The following TRDN variants were observed in gnomAD, a reference collection of about 807,000 sequenced individuals.
The protein encoded by TRDN is triadin in skeletal muscle.
In TRDN, 161 loss-of-function variants were observed where a neutral mutation model predicts 149.7. That is an observed-to-expected ratio of 1.08 (90% CI 0.95 to 1.23). The LOEUF (loss-of-function observed/expected upper bound fraction) is 1.23, where lower values mean the gene tolerates loss of function less well. Among genes scored for constraint, TRDN ranks in the 50% most tolerant of loss-of-function variants. TRDN has a pLI of 0.00. For missense variants in TRDN, 896 were observed against 823.5 expected, an observed-to-expected ratio of 1.09 and a Z score of -1.08; for synonymous variants, 294 against 250.5, an observed-to-expected ratio of 1.17 and a Z score of -1.64.
At chr6:123,279,141 A>T in intron 24 of TRDN, 59 bp from the exon 25 acceptor site, 1 of 1,287,482 alleles carries the variant, frequency 7.8e-7, no homozygotes, top group Non-Finnish European at 1.1e-6. Context: ...TTAAATTAAC[A>T]TTATTGAATA....
intron 5 of TRDN, among the ~76,000 whole-genome samples, chr6:123,525,895 G>A (rs1462843840): frequency 2.0e-5 from 3 of 151,908 alleles, no homozygotes; most frequent in Non-Finnish European, 4.4e-5. Context: ...GCCAAATAAT[G>A]GCCCTCTAAA....
chr6:123,463,356 A>G (rs377499625), intron 10 of TRDN, among the ~76,000 whole-genome samples: 8 of 141,376 alleles, frequency 5.7e-5, no homozygotes, highest in African/African-American at 2.1e-4. Context: ...AAAAAAATAA[A>G]TAATAAATAA....
chr6:123,326,127 C>G (rs1041078049), intron 23 of TRDN, among the ~76,000 whole-genome samples: 20 of 152,064 alleles, frequency 1.3e-4, no homozygotes, highest in Middle Eastern at 6.8e-3. Flanking sequence ...TAACTTTATC[C>G]TCTCCTAACA....
intron 10 of TRDN, among the ~76,000 whole-genome samples, chr6:123,444,776 A>C (rs1775205307): frequency 6.6e-6 from 1 of 152,168 alleles, no homozygotes; most frequent in Non-Finnish European, 1.5e-5. Flanking sequence ...TATTGAGATA[A>C]TTATGTGGTT....
intron 33 of TRDN, among the ~76,000 whole-genome samples, chr6:123,261,597 T>C (rs1224043538): frequency 6.6e-6 from 1 of 151,816 alleles, no homozygotes; most frequent in Non-Finnish European, 1.5e-5. Flanking sequence ...ATATCTCTCA[T>C]AAAATATCAA....
At chr6:123,335,946 G>C (rs1779849361) in intron 22 of TRDN, among the ~76,000 whole-genome samples, 1 of 151,872 alleles carries the variant, frequency 6.6e-6, no homozygotes, top group Admixed American at 6.6e-5. Flanking sequence ...TGTTTTTATT[G>C]ACTTTCATAT....
intron 20 of TRDN, 82 bp from the exon 21 acceptor site, chr6:123,352,668 T>C: frequency 6.6e-7 from 1 of 1,511,482 alleles, no homozygotes; most frequent in Non-Finnish European, 8.8e-7. Flanking sequence ...TGGAGTTCTT[T>C]CAATGCTAAA....
chr6:123,592,960 A>T (rs1385044662), intron 1 of TRDN, among the ~76,000 whole-genome samples: 1 of 152,208 alleles, frequency 6.6e-6, no homozygotes, highest in Non-Finnish European at 1.5e-5. Context: ...ACAGGGATAC[A>T]CATTATATAT....
intron 1 of TRDN, among the ~76,000 whole-genome samples, chr6:123,599,182 CA>C (rs1784168995): frequency 6.6e-6 from 1 of 152,084 alleles, no homozygotes; most frequent in Admixed American, 6.6e-5. Context: ...TGGCTTTCTA[CA>C]ATGTCTCTCT....
At chr6:123,390,720 G>C (rs747520237) in intron 13 of TRDN, among the ~76,000 whole-genome samples, 1 of 152,050 alleles carries the variant, frequency 6.6e-6, no homozygotes, top group Non-Finnish European at 1.5e-5. Context: ...AATTCAGCTT[G>C]CCTGGTTCTA....
At chr6:123,268,810 A>C (rs1271679774) in intron 31 of TRDN, among the ~76,000 whole-genome samples, 1 of 152,042 alleles carries the variant, frequency 6.6e-6, no homozygotes, top group African/African-American at 2.4e-5. Context: ...AAATAAAAGA[A>C]AATGCAGCCA....
intron 24 of TRDN, among the ~76,000 whole-genome samples, chr6:123,315,392 A>G (rs909153776): frequency 6.6e-6 from 1 of 151,930 alleles, no homozygotes; most frequent in Non-Finnish European, 1.5e-5. Flanking sequence ...ATTATATAAA[A>G]TTACTTTAAA....
intron 12 of TRDN, among the ~76,000 whole-genome samples, chr6:123,428,613 T>C (rs561167037): frequency 1.3e-5 from 2 of 152,196 alleles, no homozygotes; most frequent in Non-Finnish European, 2.9e-5. Flanking sequence ...GATACACCAC[T>C]GTTAAAAGTG....
chr6:123,586,624 A>G (rs571816503), intron 1 of TRDN, among the ~76,000 whole-genome samples: 2 of 152,238 alleles, frequency 1.3e-5, no homozygotes, highest in Non-Finnish European at 2.9e-5. Flanking sequence ...TCGAGTTTGT[A>G]TTGGGGTCAA....
intron 1 of TRDN, among the ~76,000 whole-genome samples, chr6:123,604,350 A>C (rs1784420719): frequency 6.6e-6 from 1 of 152,260 alleles, no homozygotes; most frequent in African/African-American, 2.4e-5. Flanking sequence ...AGGTCTATTC[A>C]CATTGCCGGA....
chr6:123,392,144 GA>G (rs1023530922), intron 13 of TRDN, among the ~76,000 whole-genome samples: 2 of 151,938 alleles, frequency 1.3e-5, no homozygotes, highest in African/African-American at 4.8e-5. Flanking sequence ...ACAAGACTTT[GA>G]AACTCTTGGT....
intron 9 of TRDN, among the ~76,000 whole-genome samples, chr6:123,496,530 A>C (rs1176869131): frequency 6.6e-6 from 1 of 152,128 alleles, no homozygotes; most frequent in African/African-American, 2.4e-5. Context: ...CAGTTTTTAA[A>C]TCTGCAAAAG....
rs553729232 is a variant in TRDN, at chr6:123,419,374, T to C, written c.1051+18689A>G. On this transcript the variant is annotated intron_variant, in intron 12 of 40. Coordinates refer to ENST00000334268, the MANE Select transcript of TRDN (RefSeq NM_006073.4). ...TAGCCTTTACACATGCATAATTTTT[T>C]AAAATTTATTTTTTGTTTTAGAGAC... Among the ~76,000 whole-genome samples the C allele has an allele frequency of 2.6e-4, 39 of 152,264 alleles. No homozygotes were observed. The East Asian group carries it at 7.4e-3, about 29-fold the overall frequency.
chr6:123,275,128 C>T (rs1381452451), intron 26 of TRDN, among the ~76,000 whole-genome samples: 1 of 151,998 alleles, frequency 6.6e-6, no homozygotes, highest in Non-Finnish European at 1.5e-5. Context: ...GGAATTGAGA[C>T]AAATAATGTT....
Sources: allele counts gnomAD v4.1 joint callset (sites outside exome capture counted in the v4.1 genomes callset), GRCh38; gene constraint gnomAD v4.1.1; transcripts MANE v1.5; gene names NCBI Gene and HGNC (gene_info 2026-07-23, HGNC 2026-07-21).